The following SPO11 variants were observed in gnomAD, a reference collection of about 807,000 sequenced individuals.
SPO11 encodes SPO11 initiator of meiotic double strand breaks.
SPO11 carries 49 observed loss-of-function variants against 51.6 expected under a neutral mutation model. The ratio of observed to expected loss-of-function variants is 0.95; its 90% CI spans 0.75 to 1.20. SPO11 has a LOEUF of 1.20. SPO11 is among the 50% of genes most tolerant of loss of function. SPO11 has a pLI of 0.00. For missense variants in SPO11, 431 were observed against 473.4 expected, an observed-to-expected ratio of 0.91 and a Z score of 0.83; for synonymous variants, 176 against 158.2, an observed-to-expected ratio of 1.11 and a Z score of -0.84.
chr20:57,335,398 T>C, intron 6 of SPO11, 21 bp from the exon 7 acceptor site: 3 of 1,598,842 alleles, frequency 1.9e-6, no homozygotes, highest in Non-Finnish European at 2.6e-6. Flanking sequence ...TTATGTAAGA[T>C]AAAAACTTTT....
chr20:57,338,301 C>T lies in SPO11; in HGVS notation c.770C>T (p.Thr257Ile), dbSNP rs373340463. The change falls in exon 9 of 13, where the codon ACA (threonine) becomes ATA (isoleucine). Residue 257 changes from threonine to isoleucine, a missense_variant. Coordinates refer to ENST00000371263, the MANE Select transcript of SPO11 (RefSeq NM_012444.3). ...GGAAAGGGAGTTCCTGATCTAAACACAAGACTTTTAGTCAAGAAACTGTGG... is the reference window on the plus strand; with the variant it reads ...GGAAAGGGAGTTCCTGATCTAAACATAAGACTTTTAGTCAAGAAACTGTGG... ...ITGKGVPDLN[T>I]RLLVKKLWDT... The T allele has an allele frequency of 6.2e-7, 1 of 1,613,378 alleles. No homozygotes were observed. The highest frequency in any genetic ancestry group is 8.5e-7 in the Non-Finnish European group (1 of 1,179,686).
intron 8 of SPO11, among the ~76,000 whole-genome samples, chr20:57,337,978 C>G (rs1176240674): frequency 6.6e-6 from 1 of 152,172 alleles, no homozygotes; most frequent in African/African-American, 2.4e-5. Flanking sequence ...ACTTCTGCCT[C>G]CTAGGTTCAA....
At chr20:57,331,512 T>C (rs967638483) in intron 1 of SPO11, among the ~76,000 whole-genome samples, 1 of 152,246 alleles carries the variant, frequency 6.6e-6, no homozygotes, top group African/African-American at 2.4e-5. Context: ...TATGATAAAA[T>C]TACAGTTGTA....
At chr20:57,336,453 T>C (rs1190963549) in intron 8 of SPO11, among the ~76,000 whole-genome samples, 1 of 152,144 alleles carries the variant, frequency 6.6e-6, no homozygotes, top group Non-Finnish European at 1.5e-5. Flanking sequence ...ACTTCAATTA[T>C]CTCTCATCCC....
At position 57,331,935 on chromosome 20, in the gene SPO11, G is replaced by A; in HGVS notation, c.234G>A (p.Trp78Ter). 3 of 1,580,210 alleles carry A rather than the reference G, an allele frequency of 1.9e-6. No individual in the cohort carries two copies. The highest frequency in any genetic ancestry group is 1.7e-6 in the Non-Finnish European group (2 of 1,164,256). Residue 78 changes from tryptophan (W) to a stop codon, truncating the protein, a stop_gained, in exon 2 of 13, where the codon TGG becomes TGA. Coordinates refer to ENST00000371263, the MANE Select transcript of SPO11 (RefSeq NM_012444.3). LOFTEE classifies it high-confidence loss of function. ...PAFTIDNRSS[W>*]ENIKFEDSVG... ...TCACGATAGACAACAGATCAAGCTG[G>A]GAAAACATAAAGTGGGCATTTTGCA...
In SPO11 at chr20:57,334,961, A is replaced by G. The variant is rs556196817; in HGVS notation, c.597+125A>G. 21 of 716,296 alleles carry G rather than the reference A, an allele frequency of 2.9e-5. 1 individual carries two copies. The South Asian group carries it at 3.9e-4, about 13-fold the overall frequency. The allele number at this position is 716,296 out of a possible 1,614,324, so 44.4% of individuals were successfully genotyped here. A position where few individuals can be genotyped will look rare whatever the true frequency, so the allele number is the denominator to read the frequency against. On this transcript the variant is annotated intron_variant, in intron 6 of 12. Transcript: ENST00000371263. ...TAAGATTTCAAAATAAAACTGAAAG[A>G]TGGATAGGAATATGCTTTACAGAAC...
At position 57,337,445 on chromosome 20, in the gene SPO11, T is replaced by C. The variant is rs114405858; in HGVS notation, c.745-831T>C. Reference sequence around the variant, plus strand: ...GAGTGGTTTTGTTACTCATTCAAGTTCATGCTGCTAAGAAGTAGCAGAGCT... The same window carrying C: ...GAGTGGTTTTGTTACTCATTCAAGTCCATGCTGCTAAGAAGTAGCAGAGCT... On this transcript the variant is annotated intron_variant, in intron 8 of 12. Transcript: ENST00000371263. 3.1e-3 allele frequency among the ~76,000 whole-genome samples: 473 copies of C among 152,340 alleles called. 2 individuals are homozygous for C. Among genetic ancestry groups the C allele is most frequent in the African/African-American group, 0.011 (451 of 41,580 alleles).
At position 57,329,858 on chromosome 20, in the gene SPO11, G is replaced by T. The variant is rs758221386; in HGVS notation, c.-10G>T. ...GGGGCTTCTGGAGCTTCTGGCAGCCGTCTGCCCTCATGGCCTTTGCACCTA... is the reference window on the plus strand; with the variant it reads ...GGGGCTTCTGGAGCTTCTGGCAGCCTTCTGCCCTCATGGCCTTTGCACCTA... On this transcript the variant is annotated 5_prime_UTR_variant, in exon 1 of 13. Transcript: ENST00000371263. The T allele has an allele frequency of 1.2e-6, 2 of 1,610,650 alleles. No homozygotes were observed. Among genetic ancestry groups the T allele is most frequent in the Non-Finnish European group, 1.7e-6 (2 of 1,178,060 alleles).
intron 6 of SPO11, 93 bp from the exon 7 acceptor site, chr20:57,335,325 TG>T: frequency 9.8e-7 from 1 of 1,021,812 alleles, no homozygotes; most frequent in Non-Finnish European, 1.4e-6. Context: ...ATGACTGGTA[TG>T]GTCAAAGAAA....
chr20:57,330,681 CTTGG>C (rs1234680269), intron 1 of SPO11, among the ~76,000 whole-genome samples: 2 of 152,134 alleles, frequency 1.3e-5, no homozygotes, highest in Non-Finnish European at 2.9e-5. Flanking sequence ...GACTTGCTTT[CTTGG>C]TTGAGCAAAG....
intron 10 of SPO11, among the ~76,000 whole-genome samples, chr20:57,339,795 G>T (rs1290325567): frequency 6.6e-6 from 1 of 152,196 alleles, no homozygotes; most frequent in Non-Finnish European, 1.5e-5. Context: ...CTGGAGTGCG[G>T]TGGTGCAGTG....
chr20:57,338,780 A>T (rs1249124702), intron 9 of SPO11, among the ~76,000 whole-genome samples: 2 of 152,144 alleles, frequency 1.3e-5, no homozygotes, highest in African/African-American at 4.8e-5. Context: ...ACACTTATGA[A>T]ACATTTTAAA....
In SPO11 at chr20:57,340,183, G is replaced by C. The variant is rs775675999; in HGVS notation, c.959+5G>C. On this transcript the variant is annotated splice_donor_5th_base_variant and intron_variant, in intron 11 of 12. Coordinates refer to ENST00000371263, the MANE Select transcript of SPO11 (RefSeq NM_012444.3). Reference sequence around the variant, plus strand: ...TCTCCCTTCTGATCTTAAAAGGTTAGATAGTATAGCAGAACTAGGATATTT... The same window carrying C: ...TCTCCCTTCTGATCTTAAAAGGTTACATAGTATAGCAGAACTAGGATATTT... The C allele has an allele frequency of 8.9e-6, 14 of 1,578,448 alleles. No individual in the cohort carries two copies. Among genetic ancestry groups the C allele is most frequent in the Non-Finnish European group, 1.2e-5 (14 of 1,147,686 alleles).
At position 57,338,347 on chromosome 20, in the gene SPO11, T is replaced by C. The variant is rs993113515; in HGVS notation, c.816T>C (p.Val272=). The stretch of plus-strand genomic sequence containing the variant: ...TGTGGGATACATTTCATGTTCCTGT[T>C]TTCACTCTTGTAGATGCTGATCCAC... ...KKLWDTFHVP[V]FTLVDADPHG... The change falls in exon 9 of 13, where the codon GTT becomes GTC. Residue 272 remains valine, a synonymous_variant. Transcript: ENST00000371263. 1 of 1,613,574 alleles carries C rather than the reference T, an allele frequency of 6.2e-7. No individual in the cohort carries two copies. Among genetic ancestry groups the C allele is most frequent in the African/African-American group, 1.3e-5 (1 of 74,922 alleles).
chr20:57,330,090 T>C, intron 1 of SPO11, 92 bp downstream of exon 1: 1 of 1,434,556 alleles, frequency 7.0e-7, no homozygotes. Flanking sequence ...GTGTTGAGGC[T>C]GAGGAGGCAC....
chr20:57,333,271 A>T lies in SPO11; in HGVS notation c.329A>T (p.Lys110Ile). 6.2e-7 allele frequency: 1 copy of T among 1,603,258 alleles called. No homozygotes were observed. Among genetic ancestry groups the T allele is most frequent in the Non-Finnish European group, 8.5e-7 (1 of 1,176,722 alleles). The part of the protein sequence containing the change: ...IKSDSPKSAQ[K>I]FSLILKILSM... ...AGTGATTCACCAAAATCAGCTCAAAAATTTTGTAAGTTAATTGTTCTTAGC... is the reference window on the plus strand; with the variant it reads ...AGTGATTCACCAAAATCAGCTCAAATATTTTGTAAGTTAATTGTTCTTAGC... Residue 110 changes from lysine to isoleucine, a missense_variant, in exon 3 of 13, where the codon AAA (lysine) becomes ATA (isoleucine). Lys to Ile is a moderately radical substitution (Grantham distance 102). Around this residue, in one of 3 missense-constraint regions of SPO11, gnomAD observed 405 missense variants for 425.9 expected, o/e 0.95. Coordinates refer to ENST00000371263, the MANE Select transcript of SPO11 (RefSeq NM_012444.3).
chr20:57,330,465 TA>T (rs1315137506), intron 1 of SPO11, among the ~76,000 whole-genome samples: 1 of 152,198 alleles, frequency 6.6e-6, no homozygotes, highest in Non-Finnish European at 1.5e-5. Context: ...TTCTCAGAAT[TA>T]ACAAGGACAT....
chr20:57,340,274 A>C (rs2066565421), intron 11 of SPO11, 96 bp downstream of exon 11: 2 of 711,280 alleles, frequency 2.8e-6, no homozygotes, highest in Non-Finnish European at 4.8e-6. Context: ...AAAGCTCTTA[A>C]TGTTTTTTAT....
rs1254987076 is a variant in SPO11 at position 57,340,167 on chromosome 20, T to G, written c.948T>G (p.Ser316=). The change falls in exon 11 of 13, where the codon TCT becomes TCG. Residue 316 remains serine, a synonymous_variant. Coordinates refer to ENST00000371263, the MANE Select transcript of SPO11 (RefSeq NM_012444.3). ...PAIRWLGLLP[S]DLKRLNVPKD... is the part of the protein sequence containing the mutation. ...TTAGATGGCTTGGTCTTCTCCCTTC[T>G]GATCTTAAAAGGTTAGATAGTATAG... 2.5e-6 allele frequency: 4 copies of G among 1,605,808 alleles called. No individual in the cohort carries two copies. The highest frequency in any genetic ancestry group is 3.4e-6 in the Non-Finnish European group (4 of 1,172,492).
Sources: allele counts gnomAD v4.1 joint callset (sites outside exome capture counted in the v4.1 genomes callset), GRCh38; gene constraint gnomAD v4.1.1; regional missense constraint gnomAD v4.1.1; transcripts MANE v1.5; gene names NCBI Gene and HGNC (gene_info 2026-07-23, HGNC 2026-07-21).